CHST8: variants seen among roughly 807,000 people sequenced by gnomAD.
CHST8 encodes carbohydrate sulfotransferase 8, also known as GALNAC-4-ST1.
In CHST8, 10 loss-of-function variants were observed where a neutral mutation model predicts 15.0. That is an observed-to-expected ratio of 0.67 (90% CI 0.41 to 1.13). CHST8 has a LOEUF of 1.13. Ranked by LOEUF, CHST8 falls within the 50% of genes most tolerant of loss-of-function variation. The pLI, the probability that CHST8 is intolerant of heterozygous loss-of-function variation, is 0.00. For missense variants in CHST8, 634 were observed against 608.2 expected, an observed-to-expected ratio of 1.04 and a Z score of -0.45; for synonymous variants, 259 against 256.6, an observed-to-expected ratio of 1.01 and a Z score of -0.09.
At chr19:33,695,147 A>T (rs529163331) in intron 3 of CHST8, among the ~76,000 whole-genome samples, 236 of 151,978 alleles carry the variant, frequency 1.6e-3, no homozygotes, top group African/African-American at 5.5e-3. Flanking sequence ...GGATCTTACC[A>T]TGTTGCCCAG....
chr19:33,665,757 C>T (rs994465286), intron 1 of CHST8, among the ~76,000 whole-genome samples: 1 of 152,188 alleles, frequency 6.6e-6, no homozygotes, highest in African/African-American at 2.4e-5. Flanking sequence ...CTCTGTGACT[C>T]CTGATGGGTA....
At chr19:33,766,305 T>C (rs1352450003) in intron 3 of CHST8, among the ~76,000 whole-genome samples, 1 of 152,004 alleles carries the variant, frequency 6.6e-6, no homozygotes, top group Admixed American at 6.6e-5. Flanking sequence ...CTGATAACCC[T>C]AACTAGCATG....
chr19:33,730,765 C>A (rs540564211), intron 3 of CHST8, among the ~76,000 whole-genome samples: 3 of 152,180 alleles, frequency 2.0e-5, no homozygotes, highest in Non-Finnish European at 4.4e-5. Flanking sequence ...AGGCCGTCTG[C>A]AAGCTGAGGA....
At position 33,734,172 on chromosome 19, in the gene CHST8, A is replaced by G. The variant is rs948675728; in HGVS notation, c.131-37241A>G. Among the ~76,000 whole-genome samples, 8 of 152,224 alleles carry G rather than the reference A, an allele frequency of 5.3e-5. No homozygotes were observed. The South Asian group carries it at 1.5e-3, about 28-fold the overall frequency. ...AGCCGGCTAAAACCCACCAAAACCA[A>G]TGGCCATGGGAGTGACCTCTGGTGG... On this transcript the variant is annotated intron_variant, in intron 3 of 4. Coordinates refer to ENST00000650847, the MANE Select transcript of CHST8 (RefSeq NM_001127895.2).
chr19:33,632,546 A>G (rs1406213332), intron 1 of CHST8, among the ~76,000 whole-genome samples: 2 of 152,112 alleles, frequency 1.3e-5, no homozygotes, highest in African/African-American at 2.4e-5. Flanking sequence ...TTCCAAGTGT[A>G]GTACACATAC....
chr19:33,697,817 C>A (rs1973249972), intron 3 of CHST8, among the ~76,000 whole-genome samples: 1 of 152,208 alleles, frequency 6.6e-6, no homozygotes, highest in African/African-American at 2.4e-5. Flanking sequence ...ACGTGGAGAA[C>A]TTTAAGTGAT....
chr19:33,672,840 G>T (rs1972759108), intron 2 of CHST8, among the ~76,000 whole-genome samples: 1 of 152,196 alleles, frequency 6.6e-6, no homozygotes, highest in Non-Finnish European at 1.5e-5. Flanking sequence ...AAAGAGAAAT[G>T]ACATTTTCTG....
intron 3 of CHST8, among the ~76,000 whole-genome samples, chr19:33,732,532 T>G (rs1974014636): frequency 6.6e-6 from 1 of 151,748 alleles, no homozygotes; most frequent in Admixed American, 6.6e-5. Context: ...CCCCTCCAGT[T>G]TGAAAATTTG....
At chr19:33,671,718 CTG>C (rs1972741514) in intron 2 of CHST8, among the ~76,000 whole-genome samples, 2 of 152,136 alleles carry the variant, frequency 1.3e-5, no homozygotes, top group South Asian at 4.2e-4. Context: ...CCTCCCCCTA[CTG>C]TGTTTTTCTT....
rs1045690394 is a variant in CHST8, at chr19:33,627,098, T to G, written c.-164+4802T>G. Among the ~76,000 whole-genome samples, 397 of 68,772 alleles carry G rather than the reference T, an allele frequency of 5.8e-3. 6 individuals carry two copies. The highest frequency in any genetic ancestry group is 0.018 in the African/African-American group (369 of 20,490). The allele number at this position is 68,772 out of a possible 152,430, so 45.1% of individuals were successfully genotyped here. A position where few individuals can be genotyped will look rare whatever the true frequency, so the allele number is the denominator to read the frequency against. On this transcript the variant is annotated intron_variant, in intron 1 of 4. Coordinates refer to ENST00000650847, the MANE Select transcript of CHST8 (RefSeq NM_001127895.2). ...AGCCAGCATGCCTGTCCTCTTTTTTTGGGGGGGGGGCGGGTGGGGTGACGG... is the reference window on the plus strand; with the variant it reads ...AGCCAGCATGCCTGTCCTCTTTTTTGGGGGGGGGGGCGGGTGGGGTGACGG...
At chr19:33,759,646 C>T (rs756109072) in intron 3 of CHST8, among the ~76,000 whole-genome samples, 3 of 152,242 alleles carry the variant, frequency 2.0e-5, no homozygotes, top group Non-Finnish European at 4.4e-5. Flanking sequence ...TCCCTCTCCT[C>T]CAACTGCCCT....
intron 3 of CHST8, among the ~76,000 whole-genome samples, chr19:33,766,057 G>T (rs555775844): frequency 6.6e-6 from 1 of 152,094 alleles, no homozygotes; most frequent in South Asian, 2.1e-4. Flanking sequence ...TGGGTCTCCG[G>T]CCTGCTGGCA....
chr19:33,704,313 C>T (rs1233373845), intron 3 of CHST8, among the ~76,000 whole-genome samples: 1 of 152,218 alleles, frequency 6.6e-6, no homozygotes, highest in East Asian at 1.9e-4. Flanking sequence ...AGGCTACAGC[C>T]ATTTATGAGT....
intron 3 of CHST8, among the ~76,000 whole-genome samples, chr19:33,756,026 C>T (rs1304410431): frequency 6.6e-6 from 1 of 152,164 alleles, no homozygotes; most frequent in African/African-American, 2.4e-5. Flanking sequence ...CCCAGGCAAA[C>T]ACCGGCTTCC....
intron 3 of CHST8, among the ~76,000 whole-genome samples, chr19:33,765,457 A>G (rs929783962): frequency 6.6e-6 from 1 of 151,676 alleles, no homozygotes; most frequent in African/African-American, 2.4e-5. Flanking sequence ...ATGGTTAATT[A>G]TATACGTCAC....
At chr19:33,678,022 G>A (rs992935774) in intron 2 of CHST8, among the ~76,000 whole-genome samples, 2 of 152,196 alleles carry the variant, frequency 1.3e-5, no homozygotes, top group Non-Finnish European at 2.9e-5. Flanking sequence ...GAGCCGCACC[G>A]AGGGACTGGG....
At chr19:33,715,708 T>G (rs1262311819) in intron 3 of CHST8, among the ~76,000 whole-genome samples, 1 of 152,236 alleles carries the variant, frequency 6.6e-6, no homozygotes, top group Non-Finnish European at 1.5e-5. Context: ...CCTGGCTGCC[T>G]GCATGAGCTT....
chr19:33,730,376 G>C (rs1973972960), intron 3 of CHST8, among the ~76,000 whole-genome samples: 1 of 152,198 alleles, frequency 6.6e-6, no homozygotes, highest in African/African-American at 2.4e-5. Flanking sequence ...ATAGATGTAA[G>C]GTTAATCATA....
Position 33,763,260 on chromosome 19 carries a change from C to A in CHST8, c.131-8153C>A, listed in dbSNP as rs553535163. The stretch of plus-strand genomic sequence containing the variant: ...GTGGTCCACAGAGGGAGGGAGTAAG[C>A]CTTTGCTCTGGTCTGAGCCAAAGGT... On this transcript the variant is annotated intron_variant, in intron 3 of 4. Transcript: ENST00000650847. Among the ~76,000 whole-genome samples, 6 of 152,320 alleles carry A rather than the reference C, an allele frequency of 3.9e-5. No individual in the cohort carries two copies. In the South Asian group the frequency reaches 6.2e-4, roughly 16 times the overall value.
Sources: allele counts gnomAD v4.1 joint callset (sites outside exome capture counted in the v4.1 genomes callset), GRCh38; gene constraint gnomAD v4.1.1; transcripts MANE v1.5; gene names NCBI Gene and HGNC (gene_info 2026-07-23, HGNC 2026-07-21).